TMEM204: variants seen among roughly 807,000 people sequenced by gnomAD.
TMEM204 encodes the protein transmembrane protein 204.
Under a neutral mutation model 19.4 loss-of-function variants are expected in TMEM204, and 15 were observed. The observed-to-expected ratio is 0.77, with a 90% CI of 0.52 to 1.19. The LOEUF is 1.19. Ranked by LOEUF, TMEM204 falls within the 50% of genes most tolerant of loss-of-function variation. The pLI, the probability that TMEM204 is intolerant of heterozygous loss-of-function variation, is 0.00. For synonymous variants in TMEM204, 161 were observed against 146.0 expected, an observed-to-expected ratio of 1.10 and a Z score of -0.74; for missense variants, 287 against 321.2, an observed-to-expected ratio of 0.89 and a Z score of 0.81.
rs13338583 is a variant in TMEM204 at position 1,550,251 on chromosome 16, A to G, written c.437-4531A>G. The stretch of plus-strand genomic sequence containing the variant: ...CACCGCCCCAGCCCCTTCGTCTTCT[A>G]TATTTAGAAACAGTGTTCTTGGAAG... On this transcript the variant is annotated intron_variant, in intron 2 of 2. Transcript: ENST00000566264. Among the ~76,000 whole-genome samples, 159 of 152,266 alleles carry G rather than the reference A, an allele frequency of 1.0e-3. 2 individuals carry two copies. The highest frequency in any genetic ancestry group is 3.4e-3 in the African/African-American group (140 of 41,546).
At chr16:1,547,813 G>A (rs2235644) in intron 2 of TMEM204, among the ~76,000 whole-genome samples, 20,815 of 152,244 alleles carry the variant, frequency 0.14, 1,627 homozygotes, top group Admixed American at 0.22. Context: ...TGGGATTACA[G>A]GCGTGAGTCA....
intron 2 of TMEM204, among the ~76,000 whole-genome samples, chr16:1,543,003 G>A (rs2050118): frequency 0.25 from 38,726 of 152,184 alleles, 5,504 homozygotes; most frequent in African/African-American, 0.37. Flanking sequence ...GACCCCCAGC[G>A]ACCCCAGGGG....
chr16:1,548,093 T>C (rs571159445), intron 2 of TMEM204, among the ~76,000 whole-genome samples: 1 of 152,252 alleles, frequency 6.6e-6, no homozygotes, highest in Non-Finnish European at 1.5e-5. Flanking sequence ...AGCCTCTCGC[T>C]CTTCCCTCCC....
chr16:1,534,168 A>G lies in TMEM204; in HGVS notation c.-108A>G. On this transcript the variant is annotated 5_prime_UTR_variant, in exon 1 of 3. Coordinates refer to ENST00000566264, the MANE Select transcript of TMEM204 (RefSeq NM_024600.6). ...CTCCGCCCGCGCCGCCCCGAGGATG[A>G]GTGGTGATGTCCTCTAGCCACCCCT... The G allele has an allele frequency of 1.4e-6, 2 of 1,421,688 alleles. No individual in the cohort carries two copies. The highest frequency in any genetic ancestry group is 1.9e-6 in the Non-Finnish European group (2 of 1,059,656). 88.1% of individuals were successfully genotyped at this position (1,421,688 alleles called of 1,614,324 possible). A position where few individuals can be genotyped will look rare whatever the true frequency, so the allele number is the denominator to read the frequency against.
At chr16:1,541,492 G>A (rs912644393) in intron 1 of TMEM204, 12 of 985,412 alleles carry the variant, frequency 1.2e-5, no homozygotes, top group African/African-American at 8.7e-5. Context: ...CGGAGTCTCC[G>A]GTCAGGCAGC....
At chr16:1,554,015 C>T in intron 2 of TMEM204, 1 of 1,287,236 alleles carries the variant, frequency 7.8e-7, no homozygotes, top group Non-Finnish European at 1.0e-6. Flanking sequence ...GCTCACGGCC[C>T]ACCTCTCCTT....
chr16:1,532,316 C>T (rs143337777), upstream of TMEM204: 1 of 152,358 alleles, frequency 6.6e-6, no homozygotes, highest in East Asian at 1.9e-4. Flanking sequence ...TGCGACAAAT[C>T]CCCGGGGAAA....
chr16:1,534,495 G>A lies in TMEM204; in HGVS notation c.220G>A (p.Glu74Lys). 6.2e-7 allele frequency: 1 copy of A among 1,609,582 alleles called. No homozygotes were observed. The highest frequency in any genetic ancestry group is 1.1e-5 in the South Asian group (1 of 91,086). ...CGGCCAGGTGGACGCACATGACTGT[G>A]AGGCGCTGGGCTGGGGCTCCGAGGC... ...RAGQVDAHDC[E>K]ALGWGSEAAG... Residue 74 changes from glutamate to lysine, a missense_variant, in exon 1 of 3, where the codon GAG (glutamate) becomes AAG (lysine). Physicochemically the swap from Glu to Lys is moderately conservative, Grantham distance 56. Coordinates refer to ENST00000566264, the MANE Select transcript of TMEM204 (RefSeq NM_024600.6).
At position 1,534,507 on chromosome 16, in the gene TMEM204, T is replaced by C. The variant is rs1186515824; in HGVS notation, c.232T>C (p.Trp78Arg). Residue 78 changes from tryptophan to arginine, a missense_variant, in exon 1 of 3, where the codon TGG becomes CGG. Physicochemically the swap from Trp to Arg is moderately radical, Grantham distance 101. Transcript: ENST00000566264. ...VDAHDCEALG[W>R]GSEAAGFQES... ...CGCACATGACTGTGAGGCGCTGGGC[T>C]GGGGCTCCGAGGCAGCCGGCTTCCA... 1 of 1,608,420 alleles carries C rather than the reference T, an allele frequency of 6.2e-7. No homozygotes were observed. Among genetic ancestry groups the C allele is most frequent in the Non-Finnish European group, 8.5e-7 (1 of 1,179,850 alleles).
In TMEM204 at chr16:1,551,383, G is replaced by A. The variant is rs543365619; in HGVS notation, c.437-3399G>A. Among the ~76,000 whole-genome samples the A allele has an allele frequency of 2.6e-5, 4 of 152,232 alleles. No homozygotes were observed. Among genetic ancestry groups the A allele is most frequent in the East Asian group, 1.9e-4 (1 of 5,160 alleles). On this transcript the variant is annotated intron_variant, in intron 2 of 2. Coordinates refer to ENST00000566264, the MANE Select transcript of TMEM204 (RefSeq NM_024600.6). This position sits in a 1 kb window ranked among gnomAD's most constrained non-coding sequence, Gnocchi z 4.0. ...CCAGTCAAGCCGGGGACAGTGGCACGAGGAGAAGCCCAGAGTAGGTGGACC... is the reference window on the plus strand; with the variant it reads ...CCAGTCAAGCCGGGGACAGTGGCACAAGGAGAAGCCCAGAGTAGGTGGACC...
intron 2 of TMEM204, 101 bp downstream of exon 2, chr16:1,542,177 C>A: frequency 7.7e-7 from 1 of 1,301,152 alleles, no homozygotes; most frequent in Non-Finnish European, 1.0e-6. Context: ...GGGGAAGCTG[C>A]AGGCCATACC....
intron 1 of TMEM204, among the ~76,000 whole-genome samples, chr16:1,538,099 T>C (rs1001606108): frequency 6.6e-6 from 1 of 152,108 alleles, no homozygotes; most frequent in African/African-American, 2.4e-5. Context: ...GAACGCCAGC[T>C]CCAAACAGCT....
At chr16:1,541,559 C>T (rs936214842) in intron 1 of TMEM204, 7 of 941,134 alleles carry the variant, frequency 7.4e-6, no homozygotes, top group Non-Finnish European at 8.9e-6. Flanking sequence ...TGCTGGTGGG[C>T]TTCCCCTTCC....
At chr16:1,543,072 G>C (rs1287103972) in intron 2 of TMEM204, among the ~76,000 whole-genome samples, 1 of 152,224 alleles carries the variant, frequency 6.6e-6, no homozygotes, top group Non-Finnish European at 1.5e-5. Context: ...ATCTGGGGCA[G>C]GCTCAGGTCT....
rs573087127 is a variant in TMEM204 at position 1,551,285 on chromosome 16, C to T, written c.437-3497C>T. On this transcript the variant is annotated intron_variant, in intron 2 of 2. Transcript: ENST00000566264. This position sits in a 1 kb window ranked among gnomAD's most constrained non-coding sequence, Gnocchi z 4.0. ...GTAAAGACACAATGACCACGGCTGG[C>T]AGGGGTGGGCAGGTGCAACTCTAAG... Among the ~76,000 whole-genome samples, 21 of 152,156 alleles carry T rather than the reference C, an allele frequency of 1.4e-4. No individual in the cohort carries two copies. The highest frequency in any genetic ancestry group is 3.4e-3 in the Middle Eastern group (1 of 294).
upstream of TMEM204, among the ~76,000 whole-genome samples, chr16:1,529,337 T>C (rs1203960413): frequency 2.0e-5 from 3 of 152,118 alleles, no homozygotes; most frequent in Non-Finnish European, 4.4e-5. Context: ...GGCCGGGAAG[T>C]GAGCCTGCCT....
intron 2 of TMEM204, among the ~76,000 whole-genome samples, chr16:1,552,593 G>A (rs8049566): frequency 0.054 from 8,144 of 151,314 alleles, 444 homozygotes; most frequent in Admixed American, 0.17. Flanking sequence ...GGCACATTCC[G>A]CACTGGTAGA....
intron 1 of TMEM204, chr16:1,540,687 G>C (rs1443676151): frequency 6.3e-6 from 2 of 319,162 alleles, no homozygotes; most frequent in African/African-American, 4.5e-5. Context: ...ACCCGCTCCT[G>C]AGTGGTGAGG....
At position 1,554,885 on chromosome 16, in the gene TMEM204, G is replaced by A. The variant is rs372363605; in HGVS notation, c.540G>A (p.Thr180=). 6 of 1,614,106 alleles carry A rather than the reference G, an allele frequency of 3.7e-6. No individual in the cohort carries two copies. The highest frequency in any genetic ancestry group is 2.2e-5 in the East Asian group (1 of 44,900). The change falls in exon 3 of 3, where the codon ACG becomes ACA. Residue 180 remains threonine, a synonymous_variant. Coordinates refer to ENST00000566264, the MANE Select transcript of TMEM204 (RefSeq NM_024600.6). ...YLNIGACLLA[T]LAAAMLIWNI... ...ACATTGGCGCCTGCCTTCTGGCCACGCTGGCGGCAGCCATGCTCATCTGGA... is the reference window on the plus strand; with the variant it reads ...ACATTGGCGCCTGCCTTCTGGCCACACTGGCGGCAGCCATGCTCATCTGGA...
Sources: allele counts gnomAD v4.1 joint callset (sites outside exome capture counted in the v4.1 genomes callset), GRCh38; gene constraint gnomAD v4.1.1; non-coding constraint Gnocchi (gnomAD v3.1); transcripts MANE v1.5; gene names NCBI Gene and HGNC (gene_info 2026-07-23, HGNC 2026-07-21).